Variants in HSPB6 observed in about 807,000 individuals in gnomAD.
The protein encoded by HSPB6 is heat shock protein beta-6.
A neutral mutation model predicts 10.7 loss-of-function variants in HSPB6; 8 were observed. The observed-to-expected ratio is 0.75, with a 90% CI of 0.44 to 1.35. The LOEUF (loss-of-function observed/expected upper bound fraction) is 1.35. Ranked by LOEUF, HSPB6 falls within the 40% of genes most tolerant of loss-of-function variation. The pLI is 0.00. For missense variants in HSPB6, 232 were observed against 236.0 expected (o/e 0.98, Z 0.11); for synonymous variants, 128 against 114.2 (o/e 1.12, Z -0.77).
In HSPB6 at chr19:35,755,447, T is replaced by G. The variant is rs1338693245; in HGVS notation, c.*75A>C. On this transcript the variant is annotated 3_prime_UTR_variant, in exon 3 of 3. Coordinates refer to ENST00000004982, the MANE Select transcript of HSPB6 (RefSeq NM_144617.3). ...CCTTGGCGCACTCGGGACATCTGGC[T>G]GGGCGGAGTCAGATCGGCTTTAATA... 1 of 1,439,940 alleles carries G rather than the reference T, an allele frequency of 6.9e-7. No individual in the cohort carries two copies. Among genetic ancestry groups the G allele is most frequent in the Admixed American group, 2.0e-5 (1 of 50,238 alleles). The allele number at this position is 1,439,940 out of a possible 1,614,324, so 89.2% of individuals were successfully genotyped here.
Position 35,755,772 on chromosome 19 carries a change from C to A in HSPB6, c.321G>T (p.Pro107=). Residue 107 remains proline (P), a splice_region_variant and synonymous_variant, in exon 2 of 3, where the codon CCG becomes CCT. Transcript: ENST00000004982. ...AGCCCCGCCCCACGCCGCGGCTCAC[C>A]GGGCGCTCCTCGTGGCGCGCGTGCA... ...VEVHARHEER[P]DEHGFVAREF... 1 of 1,580,726 alleles carries A rather than the reference C, an allele frequency of 6.3e-7. No homozygotes were observed. Among genetic ancestry groups the A allele is most frequent in the Non-Finnish European group, 8.6e-7 (1 of 1,165,204 alleles).
intron 1 of HSPB6, 108 bp downstream of exon 1, chr19:35,756,703 C>T (rs1209238541): frequency 2.5e-6 from 3 of 1,179,450 alleles, no homozygotes; most frequent in African/African-American, 3.0e-5. Context: ...TGCGGACTCT[C>T]CACCCCGCCC....
rs1269675138 is a variant in HSPB6 at position 35,755,607 on chromosome 19, G to T, written c.398C>A (p.Thr133Lys). ...LPPGVDPAAV[T>K]SALSPEGVLS... ...GACGCCCTCGGGGGACAGCGCGGACGTCACGGCAGCCGGATCCACGCCAGG... is the reference window on the plus strand; with the variant it reads ...GACGCCCTCGGGGGACAGCGCGGACTTCACGGCAGCCGGATCCACGCCAGG... Residue 133 changes from threonine to lysine, a missense_variant, in exon 3 of 3, where the codon ACG becomes AAG. Transcript: ENST00000004982. 4 of 1,533,128 alleles carry T rather than the reference G, an allele frequency of 2.6e-6. No individual in the cohort carries two copies. In the Admixed American group the frequency reaches 7.9e-5, roughly 30 times the overall value. The allele number at this position is 1,533,128 out of a possible 1,614,324, so 95.0% of individuals were successfully genotyped here. A position where few individuals can be genotyped will look rare whatever the true frequency, so the allele number is the denominator to read the frequency against.
rs1312556288 is a variant in HSPB6 at position 35,756,701 on chromosome 19, C to G, written c.198+110G>C. On this transcript the variant is annotated intron_variant, in intron 1 of 2. Coordinates refer to ENST00000004982, the MANE Select transcript of HSPB6 (RefSeq NM_144617.3). ...CGGAAGCCCTTCGGAGCTGCGGACT[C>G]TCCACCCCGCCCAAGGCCAACGAAC... 1.1e-5 allele frequency: 13 copies of G among 1,159,468 alleles called. No individual in the cohort carries two copies. The East Asian group carries it at 2.6e-4, about 23-fold the overall frequency. 71.8% of individuals were successfully genotyped at this position (1,159,468 alleles called of 1,614,324 possible).
In HSPB6 at chr19:35,756,910, G is replaced by T. The variant is rs996023208; in HGVS notation, c.99C>A (p.Phe33Leu). 6 of 1,540,308 alleles carry T rather than the reference G, an allele frequency of 3.9e-6. No homozygotes were observed. Among genetic ancestry groups the T allele is most frequent in the Non-Finnish European group, 2.6e-6 (3 of 1,146,182 alleles). ...GCTCGGCCTCCAGCAGCCCCTCGCC[G>T]AAGCGCTGGTCAAAGAGGCGTCCGG... is the stretch of plus-strand genomic sequence containing the variant. ...SAPGRLFDQR[F>L]GEGLLEAELA... is the part of the protein sequence containing the mutation. Residue 33 changes from phenylalanine to leucine, a missense_variant, in exon 1 of 3, where the codon TTC (phenylalanine) becomes TTA (leucine). Transcript: ENST00000004982.
In HSPB6 at chr19:35,755,661, C is replaced by G. The variant is rs1204436525; in HGVS notation, c.344G>C (p.Arg115Pro). The G allele has an allele frequency of 2.6e-6, 4 of 1,534,246 alleles. No homozygotes were observed. The highest frequency in any genetic ancestry group is 1.2e-5 in the South Asian group (1 of 83,102). ...ERPDEHGFVA[R>P]EFHRRYRLPP... ...CAGGCGGTAGCGACGGTGGAACTCG[C>G]GCGCGACGAATCCGTGCTCATCCTG... is the stretch of plus-strand genomic sequence containing the variant. The change falls in exon 3 of 3, where the codon CGC (arginine) becomes CCC (proline). Residue 115 changes from arginine (R) to proline (P), a missense_variant. Arg to Pro is a moderately radical substitution (Grantham distance 103, BLOSUM62 -2). Coordinates refer to ENST00000004982, the MANE Select transcript of HSPB6 (RefSeq NM_144617.3).
At position 35,754,684 on chromosome 19, in the gene HSPB6, AGAG is replaced by A; in HGVS notation, c.*835_*837del. ...GTGCTCAGTTGGGTCTTGAAGGAGAAGAGGAGGAGGGTGGGAGGTGGGTTGCCG... is the reference window on the plus strand; with the variant it reads ...GTGCTCAGTTGGGTCTTGAAGGAGAAGAGGAGGGTGGGAGGTGGGTTGCCG... On this transcript the variant is annotated 3_prime_UTR_variant, in exon 3 of 3. Coordinates refer to ENST00000004982, the MANE Select transcript of HSPB6 (RefSeq NM_144617.3). 8.4e-6 allele frequency: 5 copies of A among 597,434 alleles called. No homozygotes were observed. Among genetic ancestry groups the A allele is most frequent in the Admixed American group, 2.7e-5 (1 of 36,396 alleles). The allele number at this position is 597,434 out of a possible 1,614,324, so 37.0% of individuals were successfully genotyped here. A position where few individuals can be genotyped will look rare whatever the true frequency, so the allele number is the denominator to read the frequency against.
chr19:35,754,579 A>G lies in HSPB6; in HGVS notation c.*943T>C, dbSNP rs187186022. On this transcript the variant is annotated 3_prime_UTR_variant, in exon 3 of 3. Coordinates refer to ENST00000004982, the MANE Select transcript of HSPB6 (RefSeq NM_144617.3). The stretch of plus-strand genomic sequence containing the variant: ...GGCACAAAGCAGTTGGCAGAGCTCT[A>G]GCACATTTATTGGGAGAGTAAGCCT... 6 of 1,024,976 alleles carry G rather than the reference A, an allele frequency of 5.9e-6. No individual in the cohort carries two copies. The highest frequency in any genetic ancestry group is 2.5e-5 in the East Asian group (1 of 39,502). 63.5% of individuals were successfully genotyped at this position (1,024,976 alleles called of 1,614,324 possible). A position where few individuals can be genotyped will look rare whatever the true frequency, so the allele number is the denominator to read the frequency against.
In HSPB6 at chr19:35,755,197, TCTTAAGTG is replaced by T. The variant is rs1432769553; in HGVS notation, c.*317_*324del. Reference sequence around the variant, plus strand: ...GACTCAGAAGGAAGTAGAGGAGGGGTCTTAAGTGGGGCTATATGCCAAGAAAGTGGGTC... The same window carrying T: ...GACTCAGAAGGAAGTAGAGGAGGGGTGGGCTATATGCCAAGAAAGTGGGTC... On this transcript the variant is annotated 3_prime_UTR_variant, in exon 3 of 3. Transcript: ENST00000004982. 3 of 504,450 alleles carry T rather than the reference TCTTAAGTG, an allele frequency of 5.9e-6. No individual in the cohort carries two copies. In the Admixed American group the frequency reaches 1.1e-4, roughly 19 times the overall value. 31.2% of individuals were successfully genotyped at this position (504,450 alleles called of 1,614,324 possible). A position where few individuals can be genotyped will look rare whatever the true frequency, so the allele number is the denominator to read the frequency against.
At position 35,755,211 on chromosome 19, in the gene HSPB6, A is replaced by G. The variant is rs1568403395; in HGVS notation, c.*311T>C. The stretch of plus-strand genomic sequence containing the variant: ...TAGAGGAGGGGTCTTAAGTGGGGCT[A>G]TATGCCAAGAAAGTGGGTCGGTGGG... On this transcript the variant is annotated 3_prime_UTR_variant, in exon 3 of 3. Coordinates refer to ENST00000004982, the MANE Select transcript of HSPB6 (RefSeq NM_144617.3). 3 of 546,192 alleles carry G rather than the reference A, an allele frequency of 5.5e-6. No homozygotes were observed. Among genetic ancestry groups the G allele is most frequent in the Non-Finnish European group, 9.7e-6 (3 of 308,840 alleles). The allele number at this position is 546,192 out of a possible 1,614,324, so 33.8% of individuals were successfully genotyped here.
Position 35,756,799 on chromosome 19 carries a change from C to G in HSPB6, c.198+12G>C. ...GGAAGTGGTCGAGTTCACCCCTCCC[C>G]AGGCCTGGCACCTGGGCGACGGGCA... is the stretch of plus-strand genomic sequence containing the variant. On this transcript the variant is annotated intron_variant, in intron 1 of 2. Transcript: ENST00000004982. 2 of 1,535,146 alleles carry G rather than the reference C, an allele frequency of 1.3e-6. No homozygotes were observed.
chr19:35,756,442 T>C (rs531753741), intron 1 of HSPB6, among the ~76,000 whole-genome samples: 2 of 152,186 alleles, frequency 1.3e-5, no homozygotes, highest in South Asian at 2.1e-4. Flanking sequence ...ACACAGTCTC[T>C]CAACTCTTCC....
At chr19:35,756,047 C>T (rs1031356190) in intron 1 of HSPB6, among the ~76,000 whole-genome samples, 153 bp from the exon 2 acceptor site, 5 of 152,220 alleles carry the variant, frequency 3.3e-5, no homozygotes, top group Admixed American at 1.3e-4. Context: ...TCACCCAGGA[C>T]CTCTTCACCC....
rs1463223444 is a variant in HSPB6, at chr19:35,755,909, C to T, written c.199-15G>A. The T allele has an allele frequency of 3.2e-6, 5 of 1,552,328 alleles. No individual in the cohort carries two copies. Among genetic ancestry groups the T allele is most frequent in the Non-Finnish European group, 3.5e-6 (4 of 1,149,172 alleles). On this transcript the variant is annotated splice_polypyrimidine_tract_variant and intron_variant, in intron 1 of 2. Transcript: ENST00000004982. ...TCCGTCGGCACCTGAGCGCAGCGGG[C>T]GCGGGCGGGACTGTCATTGGGCTGG...
At chr19:35,755,716 C>T (rs1167303002) in intron 2 of HSPB6, 33 bp from the exon 3 acceptor site, 2 of 1,525,194 alleles carry the variant, frequency 1.3e-6, no homozygotes, top group Non-Finnish European at 1.8e-6. Context: ...CGGCCCCGCC[C>T]CTCCGGCCCG....
In HSPB6 at chr19:35,756,869, G is replaced by A. The variant is rs756278720; in HGVS notation, c.140C>T (p.Pro47Leu). ...CAGGTAGTAGGGGGCGAGCGTGGTG[G>A]GGCAGAGCGCAGCCAGCTCGGCCTC... ...LLEAELAALCPTTLAPYYLRA... is the reference protein window; with the variant it reads ...LLEAELAALCLTTLAPYYLRA... The change falls in exon 1 of 3, where the codon CCC (proline) becomes CTC (leucine). Residue 47 changes from proline to leucine, a missense_variant. Pro to Leu is a moderately conservative substitution (Grantham distance 98). Coordinates refer to ENST00000004982, the MANE Select transcript of HSPB6 (RefSeq NM_144617.3). The A allele has an allele frequency of 3.9e-6, 6 of 1,537,462 alleles. No homozygotes were observed. Among genetic ancestry groups the A allele is most frequent in the Non-Finnish European group, 5.2e-6 (6 of 1,145,942 alleles).
intron 2 of HSPB6, 42 bp downstream of exon 2, chr19:35,755,730 G>A (rs781165360): frequency 1.7e-5 from 26 of 1,529,212 alleles, no homozygotes; most frequent in East Asian, 2.6e-5. Flanking sequence ...CGGCCCGGCG[G>A]CGAGCGTACC....
In HSPB6 at chr19:35,755,904, G is replaced by A; in HGVS notation, c.199-10C>T. ...CGGGGTCCGTCGGCACCTGAGCGCA[G>A]CGGGCGCGGGCGGGACTGTCATTGG... On this transcript the variant is annotated splice_polypyrimidine_tract_variant and intron_variant, in intron 1 of 2. Coordinates refer to ENST00000004982, the MANE Select transcript of HSPB6 (RefSeq NM_144617.3). The A allele has an allele frequency of 6.4e-7, 1 of 1,552,558 alleles. No homozygotes were observed. Among genetic ancestry groups the A allele is most frequent in the South Asian group, 1.2e-5 (1 of 83,988 alleles).
rs982890561 is a variant in HSPB6 at position 35,755,912 on chromosome 19, G to T, written c.199-18C>A. On this transcript the variant is annotated intron_variant, in intron 1 of 2. Transcript: ENST00000004982. Reference sequence around the variant, plus strand: ...GTCGGCACCTGAGCGCAGCGGGCGCGGGCGGGACTGTCATTGGGCTGGGCC... The same window carrying T: ...GTCGGCACCTGAGCGCAGCGGGCGCTGGCGGGACTGTCATTGGGCTGGGCC... 2 of 1,551,210 alleles carry T rather than the reference G, an allele frequency of 1.3e-6. No individual in the cohort carries two copies. Among genetic ancestry groups the T allele is most frequent in the Non-Finnish European group, 8.7e-7 (1 of 1,148,464 alleles).
Sources: allele counts gnomAD v4.1 joint callset (sites outside exome capture counted in the v4.1 genomes callset), GRCh38; gene constraint gnomAD v4.1.1; transcripts MANE v1.5; gene names NCBI Gene and HGNC (gene_info 2026-07-23, HGNC 2026-07-21).